Variants in ATP8A2 observed in about 807,000 individuals in gnomAD.
ATP8A2 encodes the protein ATPase phospholipid transporting 8A2, also known as phospholipid-transporting ATPase IB.
In ATP8A2, 100 loss-of-function variants were observed where a neutral mutation model predicts 165.6. The ratio of observed to expected loss-of-function variants is 0.60; its 90% CI spans 0.51 to 0.71. The LOEUF is 0.71. ATP8A2 is among the 30% of genes least tolerant of loss of function. The probability of loss-of-function intolerance (pLI) is 0.00; values close to 1 mark genes in which losing one functional copy is unlikely to be tolerated. For synonymous variants in ATP8A2, 543 were observed against 548.8 expected, an observed-to-expected ratio of 0.99 and a Z score of 0.15; for missense variants, 1,227 against 1,479.5, an observed-to-expected ratio of 0.83 and a Z score of 2.80.
chr13:25,762,385 C>A (rs890111643), intron 25 of ATP8A2, among the ~76,000 whole-genome samples: 1 of 143,724 alleles, frequency 7.0e-6, no homozygotes, highest in African/African-American at 2.6e-5. Flanking sequence ...AGTTTGCAAA[C>A]GATATCTGTC....
chr13:25,522,951 C>T (rs545364060), intron 2 of ATP8A2, among the ~76,000 whole-genome samples: 100 of 152,114 alleles, frequency 6.6e-4, no homozygotes, highest in African/African-American at 2.4e-3. Context: ...TGGTGAAACC[C>T]CATCTCTACT....
chr13:25,592,028 G>GTT (rs34939632), intron 24 of ATP8A2, among the ~76,000 whole-genome samples: 2,216 of 145,372 alleles, frequency 0.015, 33 homozygotes, highest in Admixed American at 0.045. Context: ...GCCAACACTG[G>GTT]TTTTTTTTTT....
intron 6 of ATP8A2, chr13:25,534,252 A>G (rs778414823): frequency 7.6e-6 from 4 of 529,240 alleles, no homozygotes; most frequent in African/African-American, 5.8e-5. Flanking sequence ...CTTTGCTGCA[A>G]TCTTGAAGTC....
intron 33 of ATP8A2, among the ~76,000 whole-genome samples, chr13:25,937,228 A>G (rs1365129552): frequency 1.3e-5 from 2 of 152,086 alleles, no homozygotes; most frequent in Non-Finnish European, 2.9e-5. Context: ...CGCAAGTAAA[A>G]CTATAAGGGA....
Position 26,023,603 on chromosome 13 carries a change from A to G in ATP8A2, c.*3618A>G, listed in dbSNP as rs1957116904. 6.6e-6 allele frequency: 1 copy of G among 152,256 alleles called. No homozygotes were observed. The highest frequency in any genetic ancestry group is 1.5e-5 in the Non-Finnish European group (1 of 68,050). 9.4% of individuals were successfully genotyped at this position (152,256 alleles called of 1,614,324 possible). On this transcript the variant is annotated 3_prime_UTR_variant, in exon 37 of 37. Coordinates refer to ENST00000381655, the MANE Select transcript of ATP8A2 (RefSeq NM_016529.6). ...TTATAGTCTGTAATTTCCATTTGTT[A>G]TAATAATGACCTTTAATCTTGTCAT...
chr13:25,413,070 G>A (rs1487571799), intron 1 of ATP8A2, among the ~76,000 whole-genome samples: 3 of 152,024 alleles, frequency 2.0e-5, no homozygotes, highest in Non-Finnish European at 2.9e-5. Flanking sequence ...CACCCACCTC[G>A]ATCTCCCAAA....
At chr13:25,625,598 C>T (rs1169722500) in intron 24 of ATP8A2, among the ~76,000 whole-genome samples, 2 of 152,308 alleles carry the variant, frequency 1.3e-5, no homozygotes, top group East Asian at 1.9e-4. Flanking sequence ...CTCATTACAG[C>T]GTTTGCCACT....
intron 24 of ATP8A2, among the ~76,000 whole-genome samples, chr13:25,598,836 G>A (rs948759333): frequency 1.3e-5 from 2 of 152,044 alleles, no homozygotes; most frequent in Admixed American, 1.3e-4. Flanking sequence ...TCTAGATTCT[G>A]TTGTTTTCTT....
At chr13:25,380,848 T>C (rs1593230040) in intron 1 of ATP8A2, among the ~76,000 whole-genome samples, 1 of 152,244 alleles carries the variant, frequency 6.6e-6, no homozygotes, top group South Asian at 2.1e-4. Context: ...GTAGTACCAG[T>C]GTGAAAGAAC....
intron 1 of ATP8A2, among the ~76,000 whole-genome samples, chr13:25,374,030 A>G (rs2032525319): frequency 2.6e-5 from 4 of 152,164 alleles, no homozygotes. Flanking sequence ...GAATTATGTG[A>G]TCAGCTGTCA....
chr13:25,435,939 G>GTATA (rs1198286062), intron 1 of ATP8A2, among the ~76,000 whole-genome samples: 1 of 92,544 alleles, frequency 1.1e-5, no homozygotes, highest in Non-Finnish European at 2.5e-5. Context: ...GTGAGTGTGT[G>GTATA]TGTGTGTGTG....
At chr13:25,400,377 TC>T (rs2033598612) in intron 1 of ATP8A2, among the ~76,000 whole-genome samples, 1 of 152,238 alleles carries the variant, frequency 6.6e-6, no homozygotes, top group Non-Finnish European at 1.5e-5. Flanking sequence ...TTTCTTTTTT[TC>T]TTTTATTGAT....
At chr13:25,956,440 A>G (rs983099001) in intron 33 of ATP8A2, among the ~76,000 whole-genome samples, 12 of 152,248 alleles carry the variant, frequency 7.9e-5, no homozygotes, top group Non-Finnish European at 1.5e-4. Context: ...TACAAAATCA[A>G]TGTGCAAAAA....
chr13:25,600,205 G>C (rs1036474909), intron 24 of ATP8A2, among the ~76,000 whole-genome samples: 16 of 152,296 alleles, frequency 1.1e-4, no homozygotes, highest in African/African-American at 3.4e-4. Flanking sequence ...CATCCCCAAG[G>C]CTAGGTTAAA....
At chr13:25,985,982 A>G (rs956348652) in intron 35 of ATP8A2, among the ~76,000 whole-genome samples, 1 of 152,248 alleles carries the variant, frequency 6.6e-6, no homozygotes, top group African/African-American at 2.4e-5. Flanking sequence ...CATGAAAGCC[A>G]CGTGCTATAT....
At chr13:25,942,994 G>A (rs1955111483) in intron 33 of ATP8A2, among the ~76,000 whole-genome samples, 1 of 152,094 alleles carries the variant, frequency 6.6e-6, no homozygotes, top group Non-Finnish European at 1.5e-5. Flanking sequence ...GTCCAGTGAG[G>A]TTTTTCATGT....
chr13:25,480,534 GC>G lies in ATP8A2; in HGVS notation c.221+11414del, dbSNP rs2036152078. ...TCCCAGACGGGGCGGCGGGGCAAAG[GC>G]GCTCCCCACATCTCAGAAGATGGGC... On this transcript the variant is annotated intron_variant, in intron 2 of 36. Coordinates refer to ENST00000381655, the MANE Select transcript of ATP8A2 (RefSeq NM_016529.6). 4.0e-5 allele frequency among the ~76,000 whole-genome samples: 6 copies of G among 148,248 alleles called. No homozygotes were observed. The South Asian group carries it at 1.3e-3, about 32-fold the overall frequency.
At chr13:25,776,719 G>A (rs112842124) in intron 27 of ATP8A2, among the ~76,000 whole-genome samples, 3,723 of 152,266 alleles carry the variant, frequency 0.024, 163 homozygotes, top group African/African-American at 0.085. Context: ...GTATCGTAGG[G>A]TCATGGACCA....
intron 24 of ATP8A2, among the ~76,000 whole-genome samples, chr13:25,671,510 C>A (rs981855469): frequency 6.6e-6 from 1 of 152,130 alleles, no homozygotes; most frequent in African/African-American, 2.4e-5. Flanking sequence ...CATGGGATAT[C>A]CCTGAGAAAG....
Sources: gnomAD v4.1 joint callset for allele counts (sites outside exome capture counted in the v4.1 genomes callset) on GRCh38, gnomAD v4.1.1 for gene constraint, MANE v1.5 for transcripts, NCBI Gene and HGNC (gene_info 2026-07-23, HGNC 2026-07-21) for gene names.